DVL3: variants seen among roughly 807,000 people sequenced by gnomAD.
DVL3 encodes the protein dishevelled segment polarity protein 3, also known as segment polarity protein dishevelled homolog DVL-3.
In DVL3, 27 loss-of-function variants were observed where a neutral mutation model predicts 67.4. The ratio of observed to expected loss-of-function variants is 0.40; its 90% CI spans 0.30 to 0.55. The LOEUF is 0.55. Ranked by LOEUF, DVL3 falls within the 20% of genes least tolerant of loss-of-function variation. The probability of loss-of-function intolerance (pLI) is 0.46; values close to 1 mark genes in which losing one functional copy is unlikely to be tolerated. For synonymous variants in DVL3, 369 were observed against 396.8 expected, an observed-to-expected ratio of 0.93 and a Z score of 0.83; for missense variants, 819 against 1,021.5, an observed-to-expected ratio of 0.80 and a Z score of 2.70.
Position 184,167,749 on chromosome 3 carries a change from G to C in DVL3, c.1330+38G>C, listed in dbSNP as rs1377817247. Reference sequence around the variant, plus strand: ...CATGGTGGGATGCAGGGTGGGTGGGGAGTGATGGGGCAGGGCAGGCCGGAG... The same window carrying C: ...CATGGTGGGATGCAGGGTGGGTGGGCAGTGATGGGGCAGGGCAGGCCGGAG... On this transcript the variant is annotated intron_variant, in intron 12 of 14. Coordinates refer to ENST00000313143, the MANE Select transcript of DVL3 (RefSeq NM_004423.4). The surrounding 1 kb of genome is among the most constrained non-coding windows in gnomAD (Gnocchi z 4.6). The C allele has an allele frequency of 6.4e-7, 1 of 1,566,960 alleles. No individual in the cohort carries two copies. Among genetic ancestry groups the C allele is most frequent in the African/African-American group, 1.3e-5 (1 of 74,122 alleles).
rs1714831311 is a variant in DVL3 at position 184,171,366 on chromosome 3, C to T, written c.*611C>T. ...TCCCTGCCTGTGCCTAGATCAGAGGCCCAGAGGGCCCCCTCAGTTGCCTGA... is the reference window on the plus strand; with the variant it reads ...TCCCTGCCTGTGCCTAGATCAGAGGTCCAGAGGGCCCCCTCAGTTGCCTGA... On this transcript the variant is annotated 3_prime_UTR_variant, in exon 15 of 15. Transcript: ENST00000313143. The T allele has an allele frequency of 1.0e-6, 1 of 1,001,850 alleles. No homozygotes were observed. Among genetic ancestry groups the T allele is most frequent in the South Asian group, 4.2e-5 (1 of 23,592 alleles). The allele number at this position is 1,001,850 out of a possible 1,614,324, so 62.1% of individuals were successfully genotyped here. A position where few individuals can be genotyped will look rare whatever the true frequency, so the allele number is the denominator to read the frequency against.
Position 184,165,358 on chromosome 3 carries a change from G to A in DVL3, c.694-64G>A. 6.4e-7 allele frequency: 1 copy of A among 1,569,022 alleles called. No individual in the cohort carries two copies. Among genetic ancestry groups the A allele is most frequent in the East Asian group, 2.2e-5 (1 of 44,464 alleles). ...CTGCACCGGGGACTCACCTTGAGGA[G>A]GAGTCAGGTGGGAGTGAATTCCTGC... On this transcript the variant is annotated intron_variant, in intron 6 of 14. Transcript: ENST00000313143. The surrounding 1 kb of genome is among the most constrained non-coding windows in gnomAD (Gnocchi z 4.1).
At position 184,163,037 on chromosome 3, in the gene DVL3, C is replaced by G. The variant is rs560509131; in HGVS notation, c.162-620C>G. On this transcript the variant is annotated intron_variant, in intron 1 of 14. Transcript: ENST00000313143. The surrounding 1 kb of genome is among the most constrained non-coding windows in gnomAD (Gnocchi z 4.5). Reference sequence around the variant, plus strand: ...AGACACCCAAGTAGATGGGTGCACACCACCACACCCGGCTAATTTTTGTAT... The same window carrying G: ...AGACACCCAAGTAGATGGGTGCACAGCACCACACCCGGCTAATTTTTGTAT... 3.9e-4 allele frequency among the ~76,000 whole-genome samples: 59 copies of G among 152,108 alleles called. No individual in the cohort carries two copies. The highest frequency in any genetic ancestry group is 7.2e-4 in the Non-Finnish European group (49 of 68,034).
rs542867811 is a variant in DVL3 at position 184,167,038 on chromosome 3, G to C, written c.1198+63G>C. On this transcript the variant is annotated intron_variant, in intron 11 of 14. Coordinates refer to ENST00000313143, the MANE Select transcript of DVL3 (RefSeq NM_004423.4). This position sits in a 1 kb window ranked among gnomAD's most constrained non-coding sequence, Gnocchi z 4.6. ...GGGCCAGGTGGGGGGACTGATGAGG[G>C]TCCATGTGGAGACTCTTGCTTGAGC... 7.0e-6 allele frequency: 11 copies of C among 1,573,516 alleles called. No homozygotes were observed. Among genetic ancestry groups the C allele is most frequent in the Middle Eastern group, 1.7e-4 (1 of 5,892 alleles).
rs757980988 is a variant in DVL3 at position 184,166,809 on chromosome 3, C to T, written c.1049-17C>T. The T allele has an allele frequency of 2.5e-6, 4 of 1,613,754 alleles. No individual in the cohort carries two copies. The East Asian group carries it at 6.7e-5, about 27-fold the overall frequency. On this transcript the variant is annotated splice_polypyrimidine_tract_variant and intron_variant, in intron 10 of 14. Coordinates refer to ENST00000313143, the MANE Select transcript of DVL3 (RefSeq NM_004423.4). This position sits in a 1 kb window ranked among gnomAD's most constrained non-coding sequence, Gnocchi z 6.7. Reference sequence around the variant, plus strand: ...TGGGTGGGGTGGGTAGCCCATGACTCCTCATCCTCCCTGCAGGCGAGCCCA... The same window carrying T: ...TGGGTGGGGTGGGTAGCCCATGACTTCTCATCCTCCCTGCAGGCGAGCCCA...
chr3:184,171,411 G>A lies in DVL3; in HGVS notation c.*656G>A. On this transcript the variant is annotated 3_prime_UTR_variant, in exon 15 of 15. Coordinates refer to ENST00000313143, the MANE Select transcript of DVL3 (RefSeq NM_004423.4). Reference sequence around the variant, plus strand: ...GCCTGAGCAGCTGGTGGCTTCCAGGGAGCATCTCTGCTCTACCCCTGCCCC... The same window carrying A: ...GCCTGAGCAGCTGGTGGCTTCCAGGAAGCATCTCTGCTCTACCCCTGCCCC... 1.0e-6 allele frequency: 1 copy of A among 996,068 alleles called. No homozygotes were observed. The highest frequency in any genetic ancestry group is 1.2e-6 in the Non-Finnish European group (1 of 837,394). 61.7% of individuals were successfully genotyped at this position (996,068 alleles called of 1,614,324 possible).
chr3:184,171,037 G>T lies in DVL3; in HGVS notation c.*282G>T. 7.3e-7 allele frequency: 1 copy of T among 1,371,544 alleles called. No homozygotes were observed. Among genetic ancestry groups the T allele is most frequent in the Non-Finnish European group, 9.5e-7 (1 of 1,052,474 alleles). 85.0% of individuals were successfully genotyped at this position (1,371,544 alleles called of 1,614,324 possible). A position where few individuals can be genotyped will look rare whatever the true frequency, so the allele number is the denominator to read the frequency against. ...TTTTGTCTCTGGGACCAGACTTGTT[G>T]GTGCTACCCCTTACTCCCCTCTGCA... is the stretch of plus-strand genomic sequence containing the variant. On this transcript the variant is annotated 3_prime_UTR_variant, in exon 15 of 15. Coordinates refer to ENST00000313143, the MANE Select transcript of DVL3 (RefSeq NM_004423.4).
intron 1 of DVL3, among the ~76,000 whole-genome samples, chr3:184,157,390 G>A (rs958708250): frequency 6.6e-6 from 1 of 152,122 alleles, no homozygotes; most frequent in Admixed American, 6.5e-5. Context: ...TGCCTTGAGG[G>A]ACTAAGATAG....
chr3:184,168,261 C>G (rs1180588294), intron 13 of DVL3, among the ~76,000 whole-genome samples, 196 bp downstream of exon 13: 2 of 152,242 alleles, frequency 1.3e-5, no homozygotes, highest in Non-Finnish European at 2.9e-5. Flanking sequence ...CCTCTTGGGC[C>G]TGGCATTTTC....
In DVL3 at chr3:184,170,967, G is replaced by C; in HGVS notation, c.*212G>C. On this transcript the variant is annotated 3_prime_UTR_variant, in exon 15 of 15. Transcript: ENST00000313143. The surrounding 1 kb of genome is among the most constrained non-coding windows in gnomAD (Gnocchi z 6.5). ...CCTAACCTGCCTCTGGCCCCAGTTC[G>C]TTTCCTCTGCCCACTAATCCCTGCG... 1 of 1,521,808 alleles carries C rather than the reference G, an allele frequency of 6.6e-7. No homozygotes were observed. Among genetic ancestry groups the C allele is most frequent in the Non-Finnish European group, 8.8e-7 (1 of 1,137,182 alleles). 94.3% of individuals were successfully genotyped at this position (1,521,808 alleles called of 1,614,324 possible). A position where few individuals can be genotyped will look rare whatever the true frequency, so the allele number is the denominator to read the frequency against.
rs116374532 is a variant in DVL3 at position 184,163,337 on chromosome 3, A to T, written c.162-320A>T. On this transcript the variant is annotated intron_variant, in intron 1 of 14. Transcript: ENST00000313143. The surrounding 1 kb of genome is among the most constrained non-coding windows in gnomAD (Gnocchi z 4.5). ...GGAAAGAGAAAGTCTAGCCCAGGAG[A>T]GTCATGTTGGGGATGGGTAGAGCAC... Among the ~76,000 whole-genome samples, 1,536 of 152,232 alleles carry T rather than the reference A, an allele frequency of 0.01. 33 individuals carry two copies. The highest frequency in any genetic ancestry group is 0.036 in the African/African-American group (1,485 of 41,514).
chr3:184,156,427 G>T (rs980076088), intron 1 of DVL3: 2 of 456,758 alleles, frequency 4.4e-6, no homozygotes, highest in Non-Finnish European at 8.8e-6. Context: ...GACCCCTGCG[G>T]AGTAGTCCTC....
At chr3:184,161,849 C>A (rs887042173) in intron 1 of DVL3, among the ~76,000 whole-genome samples, 1 of 152,224 alleles carries the variant, frequency 6.6e-6, no homozygotes, top group Non-Finnish European at 1.5e-5. Context: ...TCTACCAGTC[C>A]TGTGACCTTG....
chr3:184,168,352 C>T lies in DVL3; in HGVS notation c.1498+287C>T, dbSNP rs73185721. On this transcript the variant is annotated intron_variant, in intron 13 of 14. Coordinates refer to ENST00000313143, the MANE Select transcript of DVL3 (RefSeq NM_004423.4). ...CAATATTCACAACCTCCCAGAGGCC[C>T]AGCTCAGGAGGATACTGCCAGAATA... 0.11 allele frequency among the ~76,000 whole-genome samples: 16,383 copies of T among 152,270 alleles called. 1,189 individuals carry two copies. Among genetic ancestry groups the T allele is most frequent in the Non-Finnish European group, 0.16 (10,906 of 68,006 alleles).
In DVL3 at chr3:184,171,029, G is replaced by C. The variant is rs1714817776; in HGVS notation, c.*274G>C. On this transcript the variant is annotated 3_prime_UTR_variant, in exon 15 of 15. Transcript: ENST00000313143. ...AGGACCCCTTTTGTCTCTGGGACCA[G>C]ACTTGTTGGTGCTACCCCTTACTCC... 4 of 1,396,400 alleles carry C rather than the reference G, an allele frequency of 2.9e-6. No individual in the cohort carries two copies. The highest frequency in any genetic ancestry group is 2.8e-6 in the Non-Finnish European group (3 of 1,065,940). The allele number at this position is 1,396,400 out of a possible 1,614,324, so 86.5% of individuals were successfully genotyped here. A position where few individuals can be genotyped will look rare whatever the true frequency, so the allele number is the denominator to read the frequency against.
At position 184,167,704 on chromosome 3, in the gene DVL3, T is replaced by C. The variant is rs1714647084; in HGVS notation, c.1323T>C (p.Ala441=). 6 of 1,611,374 alleles carry C rather than the reference T, an allele frequency of 3.7e-6. No individual in the cohort carries two copies. Among genetic ancestry groups the C allele is most frequent in the South Asian group, 1.1e-5 (1 of 90,724 alleles). The change falls in exon 12 of 15, where the codon GCT becomes GCC. Residue 441 remains alanine (A), a synonymous_variant. Transcript: ENST00000313143. The surrounding 1 kb of genome is among the most constrained non-coding windows in gnomAD (Gnocchi z 4.6). ...GGCTCAAGATTACCATCCCTAATGC[T>C]TTCATCGGTGAGAGAGCCCCATGGT... is the stretch of plus-strand genomic sequence containing the variant. ...RMWLKITIPN[A]FIGSDVVDWL...
Position 184,155,758 on chromosome 3 carries a change from C to T in DVL3, c.123C>T (p.Ser41=). The change falls in exon 1 of 15, where the codon AGC becomes AGT. Residue 41 remains serine (S), a synonymous_variant. Transcript: ENST00000313143. This position sits in a 1 kb window ranked among gnomAD's most constrained non-coding sequence, Gnocchi z 5.4. ...ADFKGVLQRP[S]YKFFFKSMDD... ...TTAAGGGCGTTTTGCAGCGACCCAG[C>T]TATAAGTTCTTCTTCAAGTCTATGG... 2.5e-6 allele frequency: 4 copies of T among 1,613,074 alleles called. No individual in the cohort carries two copies. Among genetic ancestry groups the T allele is most frequent in the Non-Finnish European group, 3.4e-6 (4 of 1,179,744 alleles).
Position 184,167,502 on chromosome 3 carries a change from G to A in DVL3, c.1199-78G>A, listed in dbSNP as rs944883185. 5 of 1,383,036 alleles carry A rather than the reference G, an allele frequency of 3.6e-6. No homozygotes were observed. The highest frequency in any genetic ancestry group is 5.0e-6 in the Non-Finnish European group (5 of 991,476). 85.7% of individuals were successfully genotyped at this position (1,383,036 alleles called of 1,614,324 possible). ...GCATTGATCCCATAATTACTAGATG[G>A]TAGAGCTAGAATGCAAACTCTTGTT... On this transcript the variant is annotated intron_variant, in intron 11 of 14. Transcript: ENST00000313143. The surrounding 1 kb of genome is among the most constrained non-coding windows in gnomAD (Gnocchi z 4.6).
Position 184,166,109 on chromosome 3 carries a change from T to TA in DVL3, c.764-14dup. 1 of 1,611,080 alleles carries TA rather than the reference T, an allele frequency of 6.2e-7. No individual in the cohort carries two copies. Among genetic ancestry groups the TA allele is most frequent in the Non-Finnish European group, 8.5e-7 (1 of 1,179,336 alleles). On this transcript the variant is annotated splice_polypyrimidine_tract_variant and intron_variant, in intron 7 of 14. Coordinates refer to ENST00000313143, the MANE Select transcript of DVL3 (RefSeq NM_004423.4). The surrounding 1 kb of genome is among the most constrained non-coding windows in gnomAD (Gnocchi z 6.7). ...GGAACCTTGCTCCCCCTTAAGGTCT[T>TA]AAATTACTCTCTATAGAAAAATATA...
Sources: gnomAD v4.1 joint callset for allele counts (sites outside exome capture counted in the v4.1 genomes callset) on GRCh38, gnomAD v4.1.1 for gene constraint, Gnocchi (gnomAD v3.1) non-coding constraint, MANE v1.5 for transcripts, NCBI Gene and HGNC (gene_info 2026-07-23, HGNC 2026-07-21) for gene names.